Variants in SLC4A4 observed in about 807,000 individuals in gnomAD.
The protein encoded by SLC4A4 is solute carrier family 4 member 4.
Under a neutral mutation model 111.5 loss-of-function variants are expected in SLC4A4, and 27 were observed. That is an observed-to-expected ratio of 0.24 (90% CI 0.18 to 0.33). SLC4A4 has a LOEUF of 0.33. SLC4A4 is among the 10% of genes least tolerant of loss of function. SLC4A4 has a pLI of 1.00. For synonymous variants in SLC4A4, 443 were observed against 463.4 expected, an observed-to-expected ratio of 0.96 and a Z score of 0.57; for missense variants, 909 against 1,315.5, an observed-to-expected ratio of 0.69 and a Z score of 4.78.
intron 15 of SLC4A4, among the ~76,000 whole-genome samples, chr4:71,491,605 A>G (rs895106047): frequency 1.3e-5 from 2 of 151,790 alleles, no homozygotes; most frequent in Non-Finnish European, 2.9e-5. Context: ...CTGTCTAGGG[A>G]TAGTTCCTGA....
At chr4:71,076,755 T>C (rs1432091778) in intron 1 of SLC4A4, among the ~76,000 whole-genome samples, 3 of 152,092 alleles carry the variant, frequency 2.0e-5, no homozygotes, top group South Asian at 2.1e-4. Context: ...CTTTGGAAGG[T>C]TGAAGCGGGC....
At chr4:71,421,219 A>C (rs1162179737) in intron 7 of SLC4A4, among the ~76,000 whole-genome samples, 1 of 152,158 alleles carries the variant, frequency 6.6e-6, no homozygotes. Context: ...TAAACCAACA[A>C]AGATCAAAAG....
intron 16 of SLC4A4, among the ~76,000 whole-genome samples, chr4:71,530,693 C>T (rs771303235): frequency 1.1e-4 from 16 of 152,082 alleles, no homozygotes; most frequent in Non-Finnish European, 2.4e-4. Context: ...GTATCAGGCT[C>T]CTGACACCTG....
rs1429014058 is a variant in SLC4A4 at position 71,510,124 on chromosome 4, A to G, written c.2166+12432A>G. On this transcript the variant is annotated intron_variant, in intron 16 of 25. Coordinates refer to ENST00000264485, the MANE Select transcript of SLC4A4 (RefSeq NM_001098484.3). ...TTGTGAGGACAGGGGACTCTCCTGT[A>G]GCAAGGACTTCTGGTATCTCTGGTG... is the stretch of plus-strand genomic sequence containing the variant. Among the ~76,000 whole-genome samples the G allele has an allele frequency of 5.9e-5, 9 of 152,294 alleles. No individual in the cohort carries two copies. In the East Asian group the frequency reaches 1.5e-3, roughly 26 times the overall value.
intron 3 of SLC4A4, among the ~76,000 whole-genome samples, chr4:71,277,531 CTTCTCTTTTTCTTTCTTTCTCT>C (rs1176941262): frequency 6.6e-6 from 1 of 151,014 alleles, no homozygotes; most frequent in Non-Finnish European, 1.5e-5. Flanking sequence ...TCCTTCCTTC[CTTCTCTTTTTCTTTCTTTCTCT>C]TTCTCTTTTT....
At chr4:71,207,881 T>C (rs1230060335) in intron 1 of SLC4A4, among the ~76,000 whole-genome samples, 1 of 152,160 alleles carries the variant, frequency 6.6e-6, no homozygotes, top group Admixed American at 6.5e-5. Context: ...AGTGCAATCA[T>C]AGCTCACTGC....
chr4:71,217,164 AC>A (rs1440069989), intron 1 of SLC4A4, among the ~76,000 whole-genome samples: 2 of 152,210 alleles, frequency 1.3e-5, no homozygotes, highest in African/African-American at 2.4e-5. Flanking sequence ...TTTAATCCTT[AC>A]TGAGACTGAA....
At chr4:71,090,377 A>C (rs2148940336) in intron 1 of SLC4A4, among the ~76,000 whole-genome samples, 1 of 152,252 alleles carries the variant, frequency 6.6e-6, no homozygotes, top group Admixed American at 6.5e-5. Context: ...GCTTCGGCTC[A>C]TGCTCGGTGC....
chr4:71,199,418 A>G (rs1240763487), intron 1 of SLC4A4, among the ~76,000 whole-genome samples: 1 of 152,258 alleles, frequency 6.6e-6, no homozygotes, highest in African/African-American at 2.4e-5. Flanking sequence ...TATCTGGTAT[A>G]ATCTCACTAC....
At chr4:71,543,171 G>A (rs547621068) in intron 18 of SLC4A4, among the ~76,000 whole-genome samples, 27 of 152,056 alleles carry the variant, frequency 1.8e-4, no homozygotes, top group Non-Finnish European at 3.5e-4. Context: ...GCTAAATGAG[G>A]CTGGGTGGGA....
intron 12 of SLC4A4, among the ~76,000 whole-genome samples, chr4:71,466,199 T>C (rs779858478): frequency 1.3e-5 from 2 of 152,162 alleles, no homozygotes; most frequent in African/African-American, 2.4e-5. Context: ...GCCATCATAG[T>C]AATTATAGTG....
At chr4:71,477,438 G>C (rs1428480514) in intron 14 of SLC4A4, among the ~76,000 whole-genome samples, 1 of 151,654 alleles carries the variant, frequency 6.6e-6, no homozygotes, top group Non-Finnish European at 1.5e-5. Flanking sequence ...GGCTTCTACT[G>C]CAAGTCTGCC....
chr4:71,526,201 G>T (rs1209256627), intron 16 of SLC4A4, among the ~76,000 whole-genome samples: 1 of 151,964 alleles, frequency 6.6e-6, no homozygotes, highest in African/African-American at 2.4e-5. Context: ...CAGTGGTCTG[G>T]GGAAAATCAA....
chr4:71,096,543 T>C (rs1322039188), intron 2 of SLC4A4, among the ~76,000 whole-genome samples: 1 of 152,148 alleles, frequency 6.6e-6, no homozygotes, highest in Non-Finnish European at 1.5e-5. Flanking sequence ...AATGTTATTT[T>C]AATGCAATAT....
intron 1 of SLC4A4, among the ~76,000 whole-genome samples, chr4:71,091,720 G>T (rs1354931586): frequency 2.0e-5 from 3 of 152,064 alleles, no homozygotes; most frequent in Non-Finnish European, 4.4e-5. Flanking sequence ...AAAATAAAGA[G>T]ATCCCATCTT....
intron 18 of SLC4A4, among the ~76,000 whole-genome samples, chr4:71,535,216 G>C (rs966784511): frequency 1.3e-5 from 2 of 152,118 alleles, no homozygotes; most frequent in African/African-American, 4.8e-5. Flanking sequence ...AAATGCATTA[G>C]AGTCTGTTAC....
chr4:71,208,803 C>A (rs989893854), intron 1 of SLC4A4, among the ~76,000 whole-genome samples: 3 of 152,124 alleles, frequency 2.0e-5, no homozygotes, highest in Admixed American at 6.5e-5. Context: ...ATCAGTGTCC[C>A]ACACCATTTA....
At chr4:71,271,058 A>G (rs536147581) in intron 3 of SLC4A4, among the ~76,000 whole-genome samples, 1 of 152,258 alleles carries the variant, frequency 6.6e-6, no homozygotes, top group Admixed American at 6.5e-5. Context: ...ACCACTACAC[A>G]TCTTTCACGT....
intron 12 of SLC4A4, among the ~76,000 whole-genome samples, chr4:71,462,292 G>T (rs746578140): frequency 6.6e-6 from 1 of 152,072 alleles, no homozygotes; most frequent in African/African-American, 2.4e-5. Flanking sequence ...ATTTAGAAAG[G>T]TTACCCAGTT....
Sources: allele counts gnomAD v4.1 joint callset (sites outside exome capture counted in the v4.1 genomes callset), GRCh38; gene constraint gnomAD v4.1.1; transcripts MANE v1.5; gene names NCBI Gene and HGNC (gene_info 2026-07-23, HGNC 2026-07-21).